MATN2: variants seen among roughly 807,000 people sequenced by gnomAD.
MATN2 encodes matrilin-2.
Under a neutral mutation model 103.2 loss-of-function variants are expected in MATN2, and 69 were observed. The observed-to-expected ratio is 0.67, with a 90% CI of 0.55 to 0.82. The LOEUF (loss-of-function observed/expected upper bound fraction) is 0.82, where lower values mean the gene tolerates loss of function less well. Ranked by LOEUF, MATN2 falls within the 40% of genes least tolerant of loss-of-function variation. The probability of loss-of-function intolerance (pLI) is 0.00; values close to 1 mark genes in which losing one functional copy is unlikely to be tolerated. For missense variants in MATN2, 1,023 were observed against 1,211.5 expected (o/e 0.84, Z 2.31); for synonymous variants, 429 against 450.2 (o/e 0.95, Z 0.60).
chr8:97,927,775 T>G (rs768542064), intron 2 of MATN2, among the ~76,000 whole-genome samples: 1 of 152,206 alleles, frequency 6.6e-6, no homozygotes, highest in Non-Finnish European at 1.5e-5. Flanking sequence ...CAATTCTCCA[T>G]GGAACTTCCA....
chr8:97,931,716 T>C lies in MATN2; in HGVS notation c.712+194T>C, dbSNP rs1299316088. 6.6e-6 allele frequency among the ~76,000 whole-genome samples: 1 copy of C among 152,208 alleles called. No individual in the cohort carries two copies. Among genetic ancestry groups the C allele is most frequent in the Non-Finnish European group, 1.5e-5 (1 of 68,032 alleles). ...AGACACATGTTTTTATTTATTTATC[T>C]TTTAGAGACAGGGTCATGCTCTGTC... On this transcript the variant is annotated intron_variant, in intron 3 of 18. Coordinates refer to ENST00000254898, the MANE Select transcript of MATN2 (RefSeq NM_002380.5). The surrounding 1 kb of genome is among the most constrained non-coding windows in gnomAD (Gnocchi z 4.1).
chr8:97,990,178 TCAA>T (rs1812344314), intron 6 of MATN2, among the ~76,000 whole-genome samples: 1 of 23,764 alleles, frequency 4.2e-5, no homozygotes, highest in Admixed American at 5.8e-4. Flanking sequence ...CAAGACTCTG[TCAA>T]AAAAAAAAAA....
Position 97,987,743 on chromosome 8 carries a change from GA to G in MATN2, c.1082-6735del, listed in dbSNP as rs563803993. ...GCCTGTCCCATGGTAAATGCTCAGAGAATATTTACTGAATGAATGAATGAAC... is the reference window on the plus strand; with the variant it reads ...GCCTGTCCCATGGTAAATGCTCAGAGATATTTACTGAATGAATGAATGAAC... On this transcript the variant is annotated intron_variant, in intron 6 of 18. Coordinates refer to ENST00000254898, the MANE Select transcript of MATN2 (RefSeq NM_002380.5). Among the ~76,000 whole-genome samples, 515 of 152,186 alleles carry G rather than the reference GA, an allele frequency of 3.4e-3. 1 individual carries two copies. The highest frequency in any genetic ancestry group is 6.4e-3 in the Non-Finnish European group (434 of 68,006).
At chr8:97,992,444 G>T (rs536020263) in intron 6 of MATN2, among the ~76,000 whole-genome samples, 46 of 152,074 alleles carry the variant, frequency 3.0e-4, no homozygotes, top group South Asian at 1.5e-3. Flanking sequence ...AAGCATTTAT[G>T]GACAAAATAA....
chr8:97,871,151 T>G (rs1817883210), intron 1 of MATN2, among the ~76,000 whole-genome samples: 1 of 152,214 alleles, frequency 6.6e-6, no homozygotes, highest in South Asian at 2.1e-4. Context: ...TGTCCTTGTT[T>G]AGCAAAAGGT....
Position 97,874,500 on chromosome 8 carries a change from G to T in MATN2, c.-27+5213G>T, listed in dbSNP as rs373182836. Among the ~76,000 whole-genome samples the T allele has an allele frequency of 2.8e-3, 429 of 151,776 alleles. 2 individuals carry two copies. Among genetic ancestry groups the T allele is most frequent in the African/African-American group, 9.7e-3 (403 of 41,374 alleles). On this transcript the variant is annotated intron_variant, in intron 1 of 18. Coordinates refer to ENST00000254898, the MANE Select transcript of MATN2 (RefSeq NM_002380.5). ...GGCTCACTGAAACCTCAGTCTCCCG[G>T]GTTTAAGTGACCCTCTTATTTAGGC...
chr8:97,877,979 T>C (rs1563640102), intron 1 of MATN2, among the ~76,000 whole-genome samples: 1 of 151,510 alleles, frequency 6.6e-6, no homozygotes, highest in African/African-American at 2.4e-5. Flanking sequence ...GGATGACTGC[T>C]GAGTACTAAA....
intron 5 of MATN2, among the ~76,000 whole-genome samples, chr8:97,971,449 G>C (rs1586106621): frequency 6.6e-6 from 1 of 152,258 alleles, no homozygotes; most frequent in South Asian, 2.1e-4. Flanking sequence ...CTCCCTGACA[G>C]CTCATTTCAC....
intron 4 of MATN2, among the ~76,000 whole-genome samples, chr8:97,947,959 G>T (rs1021582631): frequency 2.0e-5 from 3 of 152,094 alleles, no homozygotes; most frequent in African/African-American, 2.4e-5. Flanking sequence ...ACATAAACTT[G>T]TTTGATGTTC....
At chr8:97,969,693 T>C (rs762230106) in intron 5 of MATN2, among the ~76,000 whole-genome samples, 12 of 152,216 alleles carry the variant, frequency 7.9e-5, no homozygotes, top group African/African-American at 2.2e-4. Flanking sequence ...TGCTTCAGCA[T>C]GGCCAAAGGT....
chr8:98,015,413 A>G (rs1813325128), intron 10 of MATN2, among the ~76,000 whole-genome samples: 1 of 152,162 alleles, frequency 6.6e-6, no homozygotes, highest in Admixed American at 6.5e-5. Context: ...GGTCTGCCCC[A>G]GCCAACCTTG....
intron 2 of MATN2, among the ~76,000 whole-genome samples, chr8:97,924,825 A>G (rs565886685): frequency 3.3e-5 from 5 of 152,170 alleles, no homozygotes; most frequent in African/African-American, 9.6e-5. Flanking sequence ...CAGAGAGCCA[A>G]TCCAGCCCTG....
chr8:97,994,108 AAGGAAGGAAGGAAGGAAGGGAGAGAG>A (rs1812485547), intron 6 of MATN2, among the ~76,000 whole-genome samples: 1 of 108,762 alleles, frequency 9.2e-6, no homozygotes, highest in Non-Finnish European at 1.9e-5. Flanking sequence ...GAAGAAAGGA[AAGGAAGGAAGGAAGGAAGGGAGAGAG>A]AGGAAGGAAG....
chr8:97,966,324 G>A (rs1811479279), intron 5 of MATN2, among the ~76,000 whole-genome samples: 1 of 152,068 alleles, frequency 6.6e-6, no homozygotes, highest in South Asian at 2.1e-4. Context: ...GTGAGGCCAA[G>A]GTGGGAGGAT....
chr8:97,926,911 G>T (rs1810006756), intron 2 of MATN2, among the ~76,000 whole-genome samples: 1 of 152,148 alleles, frequency 6.6e-6, no homozygotes, highest in Non-Finnish European at 1.5e-5. Flanking sequence ...AAAGATAAAT[G>T]AGACTAGTTT....
In MATN2 at chr8:97,941,805, T is replaced by C. The variant is rs1810578078; in HGVS notation, c.741T>C (p.His247=). The part of the protein sequence containing the change: ...CTAHMCSTLE[H]NCAHFCINIP... The stretch of plus-strand genomic sequence containing the variant: ...CCCATATGTGCAGCACCCTGGAGCA[T>C]AACTGTGCCCACTTCTGCATCAACA... The change falls in exon 4 of 19, where the codon CAT becomes CAC. Residue 247 remains histidine (H), a synonymous_variant. Transcript: ENST00000254898. The C allele has an allele frequency of 6.2e-7, 1 of 1,608,534 alleles. No homozygotes were observed. The highest frequency in any genetic ancestry group is 8.5e-7 in the Non-Finnish European group (1 of 1,177,498).
chr8:97,998,485 G>A (rs1279750731), intron 7 of MATN2, among the ~76,000 whole-genome samples: 2 of 138,888 alleles, frequency 1.4e-5, no homozygotes, highest in East Asian at 4.3e-4. Flanking sequence ...TCGTGCCACT[G>A]CACTCCAGCC....
chr8:97,902,124 A>C (rs1819002466), intron 2 of MATN2, among the ~76,000 whole-genome samples: 1 of 151,058 alleles, frequency 6.6e-6, no homozygotes, highest in Admixed American at 6.6e-5. Flanking sequence ...CAGCCTCCCA[A>C]AGTGCTGGGA....
chr8:97,925,333 C>G (rs937049634), intron 2 of MATN2, among the ~76,000 whole-genome samples: 2 of 152,018 alleles, frequency 1.3e-5, no homozygotes, highest in Admixed American at 6.6e-5. Context: ...AGCTTGGTTG[C>G]AGTTTTTCCA....
Sources: gnomAD v4.1 joint callset for allele counts (sites outside exome capture counted in the v4.1 genomes callset) on GRCh38, gnomAD v4.1.1 for gene constraint, Gnocchi (gnomAD v3.1) non-coding constraint, MANE v1.5 for transcripts, NCBI Gene and HGNC (gene_info 2026-07-23, HGNC 2026-07-21) for gene names.